The following TTLL7 variants were observed in gnomAD, a reference collection of about 807,000 sequenced individuals.
TTLL7 encodes tubulin polyglutamylase TTLL7.
Under a neutral mutation model 120.2 loss-of-function variants are expected in TTLL7, and 53 were observed. The ratio of observed to expected loss-of-function variants is 0.44; its 90% CI spans 0.35 to 0.55. The LOEUF (loss-of-function observed/expected upper bound fraction) is 0.55, where lower values mean the gene tolerates loss of function less well. Among genes scored for constraint, TTLL7 ranks in the 20% least tolerant of loss-of-function variants. The pLI is 0.00. For missense variants in TTLL7, 803 were observed against 1,054.7 expected (o/e 0.76, Z 3.31); for synonymous variants, 353 against 351.7 (o/e 1.00, Z -0.04).
intron 1 of TTLL7, among the ~76,000 whole-genome samples, chr1:83,973,569 TA>T (rs2100577512): frequency 6.6e-6 from 1 of 152,142 alleles, no homozygotes; most frequent in African/African-American, 2.4e-5. Flanking sequence ...TGCCTTTCCA[TA>T]AAAATTTTAG....
chr1:83,927,037 C>G (rs886965206), intron 10 of TTLL7, among the ~76,000 whole-genome samples: 4 of 151,916 alleles, frequency 2.6e-5, no homozygotes, highest in African/African-American at 4.8e-5. Context: ...AAATTGCATT[C>G]TGTCATCCAA....
At chr1:83,936,996 T>C (rs571458084) in intron 8 of TTLL7, among the ~76,000 whole-genome samples, 1 of 152,256 alleles carries the variant, frequency 6.6e-6, no homozygotes, top group African/African-American at 2.4e-5. Context: ...TGGCCTGTGA[T>C]ATATAGAAAG....
intron 19 of TTLL7, among the ~76,000 whole-genome samples, chr1:83,887,551 C>G (rs1293044452): frequency 6.6e-6 from 1 of 152,042 alleles, no homozygotes; most frequent in Non-Finnish European, 1.5e-5. Context: ...CTTTAAACTA[C>G]TAAATTGAAA....
intron 5 of TTLL7, among the ~76,000 whole-genome samples, chr1:83,947,962 AT>A (rs1181196670): frequency 6.6e-6 from 1 of 152,052 alleles, no homozygotes; most frequent in Non-Finnish European, 1.5e-5. Context: ...CTGCCTAAAA[AT>A]TTTTCAGTTT....
At chr1:83,905,020 T>C (rs1657061396) in intron 17 of TTLL7, among the ~76,000 whole-genome samples, 1 of 151,976 alleles carries the variant, frequency 6.6e-6, no homozygotes, top group South Asian at 2.1e-4. Flanking sequence ...ATATTAGTTT[T>C]ACTCTTTGAT....
At chr1:83,897,344 T>A (rs934002296) in intron 18 of TTLL7, among the ~76,000 whole-genome samples, 3 of 152,076 alleles carry the variant, frequency 2.0e-5, no homozygotes, top group Non-Finnish European at 4.4e-5. Context: ...AAATATCTGT[T>A]GAATGCATGA....
intron 1 of TTLL7, among the ~76,000 whole-genome samples, chr1:83,978,224 G>A (rs1651664304): frequency 6.6e-6 from 1 of 152,152 alleles, no homozygotes; most frequent in South Asian, 2.1e-4. Flanking sequence ...AAATGATGCA[G>A]ACACCAGTCA....
At chr1:83,887,300 G>A (rs1464479413) in intron 19 of TTLL7, 1 of 1,025,378 alleles carries the variant, frequency 9.8e-7, no homozygotes, top group East Asian at 6.8e-5. Context: ...AAAGAAAGTT[G>A]AACCTTATAT....
chr1:83,951,035 G>C (rs1218637768), intron 3 of TTLL7, among the ~76,000 whole-genome samples: 1 of 152,042 alleles, frequency 6.6e-6, no homozygotes, highest in African/African-American at 2.4e-5. Flanking sequence ...GAGATAAATG[G>C]AACTCCTGGC....
At chr1:83,886,391 G>T (rs1249093572) in intron 19 of TTLL7, among the ~76,000 whole-genome samples, 4 of 152,020 alleles carry the variant, frequency 2.6e-5, no homozygotes, top group African/African-American at 9.6e-5. Flanking sequence ...GGCTGCTGAA[G>T]TTTATACATA....
intron 1 of TTLL7, among the ~76,000 whole-genome samples, chr1:83,961,471 T>C (rs1432963186): frequency 6.6e-6 from 1 of 152,098 alleles, no homozygotes; most frequent in Admixed American, 6.6e-5. Context: ...ATTTAGCCTA[T>C]TATGACATGA....
At chr1:83,976,033 CTGTGTGTGTGTGTGTGTGTG>C (rs34596192) in intron 1 of TTLL7, among the ~76,000 whole-genome samples, 4 of 147,930 alleles carry the variant, frequency 2.7e-5, no homozygotes, top group South Asian at 2.2e-4. Flanking sequence ...TTGTCTCTCT[CTGTGTGTGTGTGTGTGTGTG>C]TGTGTGTGTG....
chr1:83,943,671 G>C (rs1307194084), intron 6 of TTLL7, among the ~76,000 whole-genome samples: 1 of 152,132 alleles, frequency 6.6e-6, no homozygotes, highest in Non-Finnish European at 1.5e-5. Flanking sequence ...TGCGTAGAGG[G>C]GGAGAGTCTA....
chr1:83,905,541 T>C (rs1315797826), intron 17 of TTLL7, among the ~76,000 whole-genome samples: 1 of 150,636 alleles, frequency 6.6e-6, no homozygotes, highest in African/African-American at 2.4e-5. Context: ...ACATATATTT[T>C]ATATACATAA....
rs1340955657 is a variant in TTLL7 at position 83,937,939 on chromosome 1, G to A, written c.801C>T (p.Asn267=). The change falls in exon 8 of 21, where the codon AAC becomes AAT. Residue 267 remains asparagine (N), a synonymous_variant. Transcript: ENST00000260505. ...NEHFERDETE[N]KGSKRSIKWF... Reference sequence around the variant, plus strand: ...ATTTGATGGAACGTTTGCTGCCTTTGTTCTCAGTTTCATCCCGTTCAAAAT... The same window carrying A: ...ATTTGATGGAACGTTTGCTGCCTTTATTCTCAGTTTCATCCCGTTCAAAAT... 1 of 1,614,038 alleles carries A rather than the reference G, an allele frequency of 6.2e-7. No individual in the cohort carries two copies. The highest frequency in any genetic ancestry group is 1.7e-5 in the Admixed American group (1 of 60,012).
chr1:83,992,811 T>TG (rs371773255), intron 1 of TTLL7, among the ~76,000 whole-genome samples: 9 of 147,780 alleles, frequency 6.1e-5, no homozygotes, highest in African/African-American at 1.8e-4. Flanking sequence ...TTTTTTTTTT[T>TG]GGAAATGTTT....
At chr1:83,930,081 G>C (rs1324608996) in intron 9 of TTLL7, among the ~76,000 whole-genome samples, 2 of 152,006 alleles carry the variant, frequency 1.3e-5, no homozygotes, top group African/African-American at 4.8e-5. Flanking sequence ...ATGTGTCACA[G>C]GTTCACCGCA....
In TTLL7 at chr1:83,956,657, C is replaced by A. The variant is rs970077986; in HGVS notation, c.-176-4270G>T. Among the ~76,000 whole-genome samples, 6 of 152,000 alleles carry A rather than the reference C, an allele frequency of 3.9e-5. No homozygotes were observed. In the East Asian group the frequency reaches 1.2e-3, roughly 29 times the overall value. On this transcript the variant is annotated intron_variant, in intron 1 of 20. Transcript: ENST00000260505. ...GTTGGTCAGGCTGGTCTCGAACTCC[C>A]GACCTCAGGTGATCCGCCTACCTCG...
chr1:83,920,975 T>G (rs1658599447), intron 12 of TTLL7, 112 bp downstream of exon 12: 2 of 1,173,588 alleles, frequency 1.7e-6, no homozygotes, highest in Admixed American at 5.2e-5. Flanking sequence ...AAAAAGCACT[T>G]GCTTGGAATG....
Sources: allele counts gnomAD v4.1 joint callset (sites outside exome capture counted in the v4.1 genomes callset), GRCh38; gene constraint gnomAD v4.1.1; transcripts MANE v1.5; gene names NCBI Gene and HGNC (gene_info 2026-07-23, HGNC 2026-07-21).